RALGPS1: variants seen among roughly 807,000 people sequenced by gnomAD.
RALGPS1 encodes ras-specific guanine nucleotide-releasing factor RalGPS1.
Under a neutral mutation model 78.8 loss-of-function variants are expected in RALGPS1, and 19 were observed. The observed-to-expected ratio is 0.24, with a 90% CI of 0.17 to 0.35. RALGPS1 has a LOEUF of 0.35. Among genes scored for constraint, RALGPS1 ranks in the 10% least tolerant of loss-of-function variants. The pLI is 1.00. For synonymous variants in RALGPS1, 228 were observed against 256.3 expected (o/e 0.89, Z 1.06); for missense variants, 454 against 688.3 (o/e 0.66, Z 3.81).
At chr9:127,200,032 G>C (rs924923351) in intron 14 of RALGPS1, among the ~76,000 whole-genome samples, 11 of 151,520 alleles carry the variant, frequency 7.3e-5, no homozygotes, top group Non-Finnish European at 1.5e-5. Context: ...GCTCACACAT[G>C]TGCTTGTGTA....
chr9:126,961,847 C>T (rs186568616), intron 1 of RALGPS1, among the ~76,000 whole-genome samples: 9 of 152,262 alleles, frequency 5.9e-5, no homozygotes, highest in Admixed American at 2.0e-4. Flanking sequence ...GGGCCAGGCA[C>T]GCACTGAAAT....
intron 4 of RALGPS1, among the ~76,000 whole-genome samples, chr9:126,983,883 A>G (rs1297383123): frequency 1.3e-5 from 2 of 152,016 alleles, no homozygotes; most frequent in East Asian, 3.9e-4. Context: ...AGTGTGTCCT[A>G]GGTGGTGCTG....
chr9:126,960,177 TCCC>T (rs2038744357), intron 1 of RALGPS1, among the ~76,000 whole-genome samples: 1 of 28,442 alleles, frequency 3.5e-5, no homozygotes, highest in Non-Finnish European at 6.8e-5. Context: ...CCTCCCTCCC[TCCC>T]TCCCTCCCTC....
At position 127,122,130 on chromosome 9, in the gene RALGPS1, C is replaced by T. The variant is rs546967801; in HGVS notation, c.611-43939C>T. Among the ~76,000 whole-genome samples, 13 of 152,218 alleles carry T rather than the reference C, an allele frequency of 8.5e-5. No individual in the cohort carries two copies. The highest frequency in any genetic ancestry group is 1.8e-4 in the Non-Finnish European group (12 of 68,024). ...CATGATCATGTGCCCCCAAACACCA[C>T]CAAATGTCCACAGGTTCTGCCCCGG... On this transcript the variant is annotated intron_variant, in intron 8 of 18. Coordinates refer to ENST00000259351, the MANE Select transcript of RALGPS1 (RefSeq NM_014636.3). The surrounding 1 kb of genome is among the most constrained non-coding windows in gnomAD (Gnocchi z 6.4).
At chr9:127,213,277 C>T (rs539408250) in intron 17 of RALGPS1, among the ~76,000 whole-genome samples, 3 of 152,320 alleles carry the variant, frequency 2.0e-5, no homozygotes, top group African/African-American at 7.2e-5. Flanking sequence ...CTTTTTGCAG[C>T]CTTACCTATG....
chr9:126,937,356 C>T (rs958083565), intron 1 of RALGPS1, among the ~76,000 whole-genome samples: 1 of 152,150 alleles, frequency 6.6e-6, no homozygotes, highest in Non-Finnish European at 1.5e-5. Context: ...AACAAGTGCA[C>T]TTAAACATAG....
intron 4 of RALGPS1, among the ~76,000 whole-genome samples, chr9:126,997,507 A>G (rs1235049850): frequency 6.6e-6 from 1 of 152,210 alleles, no homozygotes; most frequent in Non-Finnish European, 1.5e-5. Context: ...CCACTGCTCA[A>G]TGAAATAAAA....
Position 127,120,649 on chromosome 9 carries a change from C to T in RALGPS1, c.611-45420C>T, listed in dbSNP as rs548643008. 5.9e-5 allele frequency among the ~76,000 whole-genome samples: 9 copies of T among 152,194 alleles called. 1 individual carries two copies. The South Asian group carries it at 1.5e-3, about 25-fold the overall frequency. ...CCATCCTGGCTAACGTGGTGAAACC[C>T]GTCTCTACTGAAAATACACACACAC... On this transcript the variant is annotated intron_variant, in intron 8 of 18. Coordinates refer to ENST00000259351, the MANE Select transcript of RALGPS1 (RefSeq NM_014636.3).
chr9:127,067,057 A>G (rs1266767521), intron 7 of RALGPS1, among the ~76,000 whole-genome samples: 1 of 152,194 alleles, frequency 6.6e-6, no homozygotes, highest in Non-Finnish European at 1.5e-5. Flanking sequence ...GATATTTGGA[A>G]AAGTTACTTA....
rs1203459546 is a variant in RALGPS1, at chr9:126,971,390, G to A, written c.165+5439G>A. Reference sequence around the variant, plus strand: ...TATTTTTTTTTTTACAAACTACTGGGTTTTAAAGGAAAAAAAATTATTTGG... The same window carrying A: ...TATTTTTTTTTTTACAAACTACTGGATTTTAAAGGAAAAAAAATTATTTGG... On this transcript the variant is annotated intron_variant, in intron 3 of 18. Transcript: ENST00000259351. Among the ~76,000 whole-genome samples, 3 of 151,424 alleles carry A rather than the reference G, an allele frequency of 2.0e-5. No individual in the cohort carries two copies. The East Asian group carries it at 5.8e-4, about 29-fold the overall frequency.
intron 8 of RALGPS1, among the ~76,000 whole-genome samples, chr9:127,111,690 G>A (rs930051589): frequency 1.3e-5 from 2 of 152,166 alleles, no homozygotes; most frequent in Non-Finnish European, 2.9e-5. Flanking sequence ...CCAGTTTCCC[G>A]TGTTCTCATA....
At position 127,091,300 on chromosome 9, in the gene RALGPS1, C is replaced by T. The variant is rs1303379294; in HGVS notation, c.610+21944C>T. On this transcript the variant is annotated intron_variant, in intron 8 of 18. Transcript: ENST00000259351. The surrounding 1 kb of genome is among the most constrained non-coding windows in gnomAD (Gnocchi z 4.3). ...AGCACTGGAGCCCAGGTGTGTGGCC[C>T]AGAGCCTACGCAGTTGGTTAGCTCT... 6.6e-6 allele frequency among the ~76,000 whole-genome samples: 1 copy of T among 152,212 alleles called. No homozygotes were observed. The highest frequency in any genetic ancestry group is 1.5e-5 in the Non-Finnish European group (1 of 68,038).
intron 4 of RALGPS1, among the ~76,000 whole-genome samples, chr9:127,009,807 C>T (rs1182981638): frequency 1.1e-4 from 16 of 152,146 alleles, no homozygotes; most frequent in Admixed American, 9.2e-4. Flanking sequence ...ACTGTCTTAG[C>T]CTCTGCCCTT....
intron 10 of RALGPS1, among the ~76,000 whole-genome samples, chr9:127,171,095 A>G (rs1027728363): frequency 7.9e-5 from 12 of 152,254 alleles, no homozygotes; most frequent in South Asian, 2.1e-4. Flanking sequence ...TGTTATGCCA[A>G]GAGGTCCAAC....
intron 4 of RALGPS1, among the ~76,000 whole-genome samples, chr9:126,979,026 T>G (rs931242120): frequency 6.6e-6 from 1 of 152,150 alleles, no homozygotes; most frequent in Non-Finnish European, 1.5e-5. Context: ...GTGCTGCAAC[T>G]AGGGTGTGAA....
intron 1 of RALGPS1, among the ~76,000 whole-genome samples, chr9:126,950,697 CCCACAAG>C (rs1204869835): frequency 2.0e-5 from 3 of 151,462 alleles, no homozygotes; most frequent in African/African-American, 7.3e-5. Context: ...GCACTAAATG[CCCACAAG>C]AGAAAGCAGG....
intron 13 of RALGPS1, 62 bp from the exon 14 acceptor site, chr9:127,198,953 C>T: frequency 6.8e-7 from 1 of 1,474,102 alleles, no homozygotes; most frequent in South Asian, 1.1e-5. Flanking sequence ...CTCGGTGACC[C>T]AGGAGAACAG....
At chr9:126,915,789 G>A (rs1229149275) in intron 1 of RALGPS1, among the ~76,000 whole-genome samples, 1 of 152,078 alleles carries the variant, frequency 6.6e-6, no homozygotes, top group Non-Finnish European at 1.5e-5. Flanking sequence ...GGGGGCGGGG[G>A]GTTGGTTGTC....
At chr9:126,959,977 GA>G (rs2038720667) in intron 1 of RALGPS1, among the ~76,000 whole-genome samples, 1 of 152,326 alleles carries the variant, frequency 6.6e-6, no homozygotes, top group East Asian at 1.9e-4. Context: ...GGAAGAATGG[GA>G]AGGTAGAAGG....
Sources: allele counts gnomAD v4.1 joint callset (sites outside exome capture counted in the v4.1 genomes callset), GRCh38; gene constraint gnomAD v4.1.1; non-coding constraint Gnocchi (gnomAD v3.1); transcripts MANE v1.5; gene names NCBI Gene and HGNC (gene_info 2026-07-23, HGNC 2026-07-21).